Variants in SHC3 observed in about 807,000 individuals in gnomAD.
The protein encoded by SHC3 is SHC-transforming protein 3.
SHC3 carries 15 observed loss-of-function variants against 60.4 expected under a neutral mutation model. The ratio of observed to expected loss-of-function variants is 0.25; its 90% CI spans 0.17 to 0.38. The LOEUF is 0.38. Among genes scored for constraint, SHC3 ranks in the 10% least tolerant of loss-of-function variants. The pLI is 1.00. For synonymous variants in SHC3, 294 were observed against 325.9 expected (o/e 0.90, Z 1.05); for missense variants, 677 against 786.1 (o/e 0.86, Z 1.66).
intron 11 of SHC3, among the ~76,000 whole-genome samples, chr9:89,022,750 C>A (rs1352271723): frequency 6.6e-6 from 1 of 152,110 alleles, no homozygotes; most frequent in Non-Finnish European, 1.5e-5. Flanking sequence ...AGGGAGTCTC[C>A]CCTAGTGCCC....
intron 5 of SHC3, among the ~76,000 whole-genome samples, chr9:89,069,035 G>A (rs182337617): frequency 6.6e-6 from 1 of 152,340 alleles, no homozygotes; most frequent in East Asian, 1.9e-4. Flanking sequence ...TGGGCCAGGT[G>A]CAGTGGCTCA....
intron 1 of SHC3, among the ~76,000 whole-genome samples, chr9:89,136,591 G>T (rs1265887279): frequency 1.3e-5 from 2 of 151,898 alleles, no homozygotes; most frequent in African/African-American, 4.8e-5. Context: ...TTCCCAGAAA[G>T]CTCATGAATA....
intron 11 of SHC3, among the ~76,000 whole-genome samples, chr9:89,035,978 A>G (rs936144149): frequency 6.6e-6 from 1 of 151,780 alleles, no homozygotes; most frequent in East Asian, 1.9e-4. Context: ...AAAGCTAACA[A>G]AAGAAAATAT....
chr9:89,124,966 T>C (rs1238562595), intron 1 of SHC3, among the ~76,000 whole-genome samples: 2 of 152,144 alleles, frequency 1.3e-5, no homozygotes, highest in Non-Finnish European at 2.9e-5. Context: ...TAACTAAATC[T>C]TGCATTGCAT....
At chr9:89,069,479 A>T (rs1587708931) in intron 5 of SHC3, among the ~76,000 whole-genome samples, 1 of 152,262 alleles carries the variant, frequency 6.6e-6, no homozygotes, top group East Asian at 1.9e-4. Context: ...TTTGACAAGA[A>T]GATCGAAAGT....
intron 1 of SHC3, among the ~76,000 whole-genome samples, chr9:89,127,786 C>G (rs954793519): frequency 7.2e-5 from 11 of 151,982 alleles, no homozygotes; most frequent in Admixed American, 3.3e-4. Context: ...TCCACCCCCC[C>G]CCACCACTGA....
chr9:89,047,745 G>A (rs1002736833), intron 7 of SHC3, among the ~76,000 whole-genome samples: 1 of 152,182 alleles, frequency 6.6e-6, no homozygotes, highest in Non-Finnish European at 1.5e-5. Flanking sequence ...ACAAGAAAAA[G>A]TGTTGATAAG....
At chr9:89,036,999 T>C (rs1587687604) in intron 11 of SHC3, among the ~76,000 whole-genome samples, 1 of 146,530 alleles carries the variant, frequency 6.8e-6, no homozygotes, top group African/African-American at 2.5e-5. Context: ...TGGAAGGAGA[T>C]AGGTTACATT....
intron 1 of SHC3, among the ~76,000 whole-genome samples, chr9:89,164,021 C>T (rs780043670): frequency 6.6e-6 from 1 of 152,108 alleles, no homozygotes; most frequent in Non-Finnish European, 1.5e-5. Flanking sequence ...AAAGGCCTCA[C>T]CTCCTAACAC....
At chr9:89,085,830 G>A (rs933246107) in intron 2 of SHC3, among the ~76,000 whole-genome samples, 1 of 152,082 alleles carries the variant, frequency 6.6e-6, no homozygotes, top group Non-Finnish European at 1.5e-5. Flanking sequence ...CTTTCCAAAC[G>A]CCTCCTCATC....
In SHC3 at chr9:89,007,027, A is replaced by G. The variant is rs1825948991; in HGVS notation, c.*6420T>C. The G allele has an allele frequency of 6.6e-6, 1 of 152,240 alleles. No homozygotes were observed. The highest frequency in any genetic ancestry group is 1.5e-5 in the Non-Finnish European group (1 of 68,036). The allele number at this position is 152,240 out of a possible 1,614,324, so 9.4% of individuals were successfully genotyped here. The stretch of plus-strand genomic sequence containing the variant: ...AGGTGAGACAACAAAATAGACACCT[A>G]AAATTGTATGAGATTTTATTCCTGG... On this transcript the variant is annotated 3_prime_UTR_variant, in exon 12 of 12. Coordinates refer to ENST00000375835, the MANE Select transcript of SHC3 (RefSeq NM_016848.6).
chr9:89,054,604 C>A (rs1824918539), intron 6 of SHC3, among the ~76,000 whole-genome samples: 1 of 152,226 alleles, frequency 6.6e-6, no homozygotes, highest in African/African-American at 2.4e-5. Flanking sequence ...AGTCATCCAG[C>A]CTGCTGGGCT....
At chr9:89,142,987 T>C (rs1469773705) in intron 1 of SHC3, among the ~76,000 whole-genome samples, 1 of 152,060 alleles carries the variant, frequency 6.6e-6, no homozygotes. Flanking sequence ...TTACCAGAAA[T>C]GGGTCCTGAT....
chr9:89,144,728 C>T (rs1209919855), intron 1 of SHC3, among the ~76,000 whole-genome samples: 1 of 151,682 alleles, frequency 6.6e-6, no homozygotes, highest in Non-Finnish European at 1.5e-5. Context: ...AGTATGCTTT[C>T]TGTAGTTTTT....
At chr9:89,017,582 C>T (rs767957723) in intron 11 of SHC3, among the ~76,000 whole-genome samples, 2 of 152,154 alleles carry the variant, frequency 1.3e-5, no homozygotes, top group Non-Finnish European at 2.9e-5. Context: ...AGGACAAAGG[C>T]ATGGGCAAAG....
At chr9:89,140,337 C>T (rs184794904) in intron 1 of SHC3, among the ~76,000 whole-genome samples, 3,886 of 147,594 alleles carry the variant, frequency 0.026, 152 homozygotes, top group African/African-American at 0.09. Flanking sequence ...AAACAGATTC[C>T]CCCCCCCAGA....
At chr9:89,050,845 T>A (rs185818508) in intron 7 of SHC3, among the ~76,000 whole-genome samples, 1 of 152,246 alleles carries the variant, frequency 6.6e-6, no homozygotes, top group Non-Finnish European at 1.5e-5. Flanking sequence ...TGTCACTGTC[T>A]GCCTCTAACT....
At chr9:89,119,471 T>C (rs940515266) in intron 1 of SHC3, among the ~76,000 whole-genome samples, 4 of 152,038 alleles carry the variant, frequency 2.6e-5, no homozygotes, top group Middle Eastern at 3.2e-3. Flanking sequence ...AAACATATTC[T>C]ATATCAGACA....
chr9:89,020,357 C>T (rs772566081), intron 11 of SHC3, among the ~76,000 whole-genome samples: 1 of 152,012 alleles, frequency 6.6e-6, no homozygotes, highest in Non-Finnish European at 1.5e-5. Context: ...AGTTGTGGGG[C>T]AGGCTCCTTT....
Sources: allele counts gnomAD v4.1 joint callset (sites outside exome capture counted in the v4.1 genomes callset), GRCh38; gene constraint gnomAD v4.1.1; transcripts MANE v1.5; gene names NCBI Gene and HGNC (gene_info 2026-07-23, HGNC 2026-07-21).